The following DOCK4 variants were observed in gnomAD, a reference collection of about 807,000 sequenced individuals.
The protein encoded by DOCK4 is dedicator of cytokinesis protein 4.
A neutral mutation model predicts 268.1 loss-of-function variants in DOCK4; 97 were observed. That is an observed-to-expected ratio of 0.36 (90% CI 0.31 to 0.43). The LOEUF is 0.43. Among genes scored for constraint, DOCK4 ranks in the 20% least tolerant of loss-of-function variants. The probability of loss-of-function intolerance (pLI) is 1.00; values close to 1 mark genes in which losing one functional copy is unlikely to be tolerated. For synonymous variants in DOCK4, 954 were observed against 887.2 expected (o/e 1.08, Z -1.34); for missense variants, 2,145 against 2,455.7 (o/e 0.87, Z 2.67).
intron 1 of DOCK4, among the ~76,000 whole-genome samples, chr7:112,187,138 T>C (rs181597097): frequency 6.6e-6 from 1 of 152,302 alleles, no homozygotes; most frequent in East Asian, 1.9e-4. Context: ...ATTTTAAGTA[T>C]ACCAAAACAC....
chr7:111,882,523 A>C (rs1807478267), intron 16 of DOCK4, among the ~76,000 whole-genome samples: 1 of 152,232 alleles, frequency 6.6e-6, no homozygotes. Flanking sequence ...AATTTGTTCA[A>C]ATATTTTCAA....
intron 39 of DOCK4, among the ~76,000 whole-genome samples, chr7:111,761,691 G>A (rs998049092): frequency 5.9e-5 from 9 of 152,098 alleles, no homozygotes; most frequent in Admixed American, 1.3e-4. Flanking sequence ...CAGTTCTTCC[G>A]CAGGGAAAGG....
intron 51 of DOCK4, chr7:111,732,501 T>C: frequency 1.7e-6 from 1 of 590,012 alleles, no homozygotes; most frequent in Non-Finnish European, 3.0e-6. Context: ...GGAGCATCAG[T>C]GAAAAGTTAT....
chr7:112,007,799 T>C (rs1193649909), intron 1 of DOCK4, among the ~76,000 whole-genome samples: 1 of 152,210 alleles, frequency 6.6e-6, no homozygotes, highest in Non-Finnish European at 1.5e-5. Context: ...TTCTGTCAAA[T>C]GCACTTAAAG....
intron 44 of DOCK4, among the ~76,000 whole-genome samples, chr7:111,744,821 ATTC>A (rs1384237100): frequency 2.6e-5 from 4 of 152,248 alleles, no homozygotes; most frequent in South Asian, 2.1e-4. Flanking sequence ...GCTTCAAGTA[ATTC>A]TTCTCTCTCT....
At chr7:112,184,129 C>T (rs986948994) in intron 1 of DOCK4, among the ~76,000 whole-genome samples, 15 of 152,188 alleles carry the variant, frequency 9.9e-5, no homozygotes, top group African/African-American at 3.4e-4. Context: ...AGCCCCTGCA[C>T]GTGCCTAATG....
intron 1 of DOCK4, among the ~76,000 whole-genome samples, chr7:112,018,179 A>AAAAAAAAAAAAAAAAC: frequency 2.8e-5 from 2 of 72,590 alleles, no homozygotes; most frequent in South Asian, 4.4e-4. Flanking sequence ...AAAAAAAAAA[A>AAAAAAAAAAAAAAAAC]ACACAGGCAA....
At chr7:112,061,739 T>TCA (rs61696712) in intron 1 of DOCK4, among the ~76,000 whole-genome samples, 28,239 of 136,900 alleles carry the variant, frequency 0.21, 2,877 homozygotes, top group East Asian at 0.25. Flanking sequence ...ATTAACAATG[T>TCA]CACACACACA....
rs1806369746 is a variant in DOCK4, at chr7:111,870,910, GT to G, written c.2027+1079del. Among the ~76,000 whole-genome samples, 3 of 152,262 alleles carry G rather than the reference GT, an allele frequency of 2.0e-5. No homozygotes were observed. The South Asian group carries it at 6.2e-4, about 32-fold the overall frequency. On this transcript the variant is annotated intron_variant, in intron 20 of 52. Coordinates refer to ENST00000428084, the MANE Select transcript of DOCK4 (RefSeq NM_001363540.2). ...ACCTCCTCACACTAGGGCCCAAATT[GT>G]TAGGCTGAGTGGGCCGATGTTTCAA...
intron 30 of DOCK4, among the ~76,000 whole-genome samples, chr7:111,794,423 G>T (rs1799751689): frequency 1.3e-5 from 2 of 152,148 alleles, no homozygotes. Context: ...GAAACCTGTG[G>T]CAAAATATAA....
At chr7:111,728,747 G>C (rs541342120) in intron 52 of DOCK4, 27 bp from the exon 53 acceptor site, 1 of 1,577,360 alleles carries the variant, frequency 6.3e-7, no homozygotes, top group South Asian at 1.2e-5. Flanking sequence ...GAAACGAGAG[G>C]GAGACACAGC....
intron 1 of DOCK4, among the ~76,000 whole-genome samples, chr7:112,156,998 A>G (rs1042930837): frequency 1.3e-5 from 2 of 152,176 alleles, no homozygotes; most frequent in Non-Finnish European, 2.9e-5. Flanking sequence ...CGTGAAAAAA[A>G]GTTTTTTTTA....
At chr7:111,954,625 T>A (rs142593647) in intron 8 of DOCK4, among the ~76,000 whole-genome samples, 1 of 152,128 alleles carries the variant, frequency 6.6e-6, no homozygotes, top group South Asian at 2.1e-4. Flanking sequence ...GGAAGACACA[T>A]ACCCCCTGAA....
At position 111,836,063 on chromosome 7, in the gene DOCK4, A is replaced by C. The variant is rs150033436; in HGVS notation, c.2737-1377T>G. 7.7e-3 allele frequency among the ~76,000 whole-genome samples: 1,167 copies of C among 152,310 alleles called. 6 individuals carry two copies. The highest frequency in any genetic ancestry group is 0.01 in the Non-Finnish European group (690 of 68,036). ...TCCTTGATATTTAACAAAAGAAATA[A>C]AAAGTTTAAAGGCAATATTATTAAT... On this transcript the variant is annotated intron_variant, in intron 25 of 52. Transcript: ENST00000428084.
intron 44 of DOCK4, among the ~76,000 whole-genome samples, chr7:111,744,867 T>C (rs115659861): frequency 6.6e-6 from 1 of 152,164 alleles, no homozygotes; most frequent in Non-Finnish European, 1.5e-5. Flanking sequence ...TAGTATTAGG[T>C]TTTGTGGACT....
intron 1 of DOCK4, among the ~76,000 whole-genome samples, chr7:112,112,636 T>C (rs1811771885): frequency 6.7e-6 from 1 of 149,816 alleles, no homozygotes; most frequent in Admixed American, 6.6e-5. Flanking sequence ...AGAGGGAGAC[T>C]CCAACTCAAA....
intron 30 of DOCK4, among the ~76,000 whole-genome samples, chr7:111,792,739 G>T (rs891224461): frequency 6.6e-6 from 1 of 152,142 alleles, no homozygotes; most frequent in Admixed American, 6.5e-5. Flanking sequence ...CAGCTAAAAT[G>T]ATGACTGAGA....
At chr7:111,735,719 T>G (rs1042846919) in intron 50 of DOCK4, among the ~76,000 whole-genome samples, 1 of 152,258 alleles carries the variant, frequency 6.6e-6, no homozygotes, top group Non-Finnish European at 1.5e-5. Context: ...TTGTAATTTG[T>G]CTGCTCTGTG....
At chr7:112,037,913 T>A (rs1358962178) in intron 1 of DOCK4, among the ~76,000 whole-genome samples, 2 of 152,206 alleles carry the variant, frequency 1.3e-5, no homozygotes, top group African/African-American at 4.8e-5. Context: ...ATAGTTTTAG[T>A]AGTTTTAATT....
Sources: gnomAD v4.1 joint callset for allele counts (sites outside exome capture counted in the v4.1 genomes callset) on GRCh38, gnomAD v4.1.1 for gene constraint, MANE v1.5 for transcripts, NCBI Gene and HGNC (gene_info 2026-07-23, HGNC 2026-07-21) for gene names.